Variants in COG5 observed in about 807,000 individuals in gnomAD.
COG5 encodes component of oligomeric golgi complex 5.
In COG5, 86 loss-of-function variants were observed where a neutral mutation model predicts 110.4. The observed-to-expected ratio is 0.78, with a 90% CI of 0.65 to 0.93. The LOEUF is 0.93. Ranked by LOEUF, COG5 falls within the 40% of genes least tolerant of loss-of-function variation. COG5 has a pLI of 0.00. For missense variants in COG5, 1,077 were observed against 987.0 expected, an observed-to-expected ratio of 1.09 and a Z score of -1.22; for synonymous variants, 360 against 334.6, an observed-to-expected ratio of 1.08 and a Z score of -0.83.
At chr7:107,309,447 G>T (rs936354181) in intron 11 of COG5, among the ~76,000 whole-genome samples, 1 of 152,136 alleles carries the variant, frequency 6.6e-6, no homozygotes, top group Non-Finnish European at 1.5e-5. Context: ...TGTGTTCTCT[G>T]ATAGGACTAT....
intron 10 of COG5, among the ~76,000 whole-genome samples, chr7:107,346,777 T>C (rs552225347): frequency 6.6e-6 from 1 of 152,222 alleles, no homozygotes; most frequent in African/African-American, 2.4e-5. Flanking sequence ...TATGTATACA[T>C]GTGCCATGTT....
chr7:107,310,746 T>A (rs555538145), intron 11 of COG5, among the ~76,000 whole-genome samples: 1 of 152,148 alleles, frequency 6.6e-6, no homozygotes, highest in East Asian at 1.9e-4. Context: ...CACTAAGACA[T>A]CCCAAAAGAA....
At chr7:107,293,770 T>TA (rs1168149626) in intron 12 of COG5, among the ~76,000 whole-genome samples, 1 of 151,980 alleles carries the variant, frequency 6.6e-6, no homozygotes, top group Non-Finnish European at 1.5e-5. Context: ...TTCCACGATT[T>TA]AAAAAAATGT....
chr7:107,271,290 T>C (rs901256450), intron 14 of COG5, among the ~76,000 whole-genome samples: 4 of 152,164 alleles, frequency 2.6e-5, no homozygotes, highest in African/African-American at 9.7e-5. Flanking sequence ...TGCATTTCCA[T>C]AAAAATTTAA....
At chr7:107,527,125 A>G (rs1460294692) in intron 6 of COG5, 112 bp downstream of exon 6, 6 of 920,790 alleles carry the variant, frequency 6.5e-6, no homozygotes, top group Non-Finnish European at 9.6e-6. Flanking sequence ...AATTATTTAA[A>G]AATTTGTTTA....
At chr7:107,480,118 T>C (rs1191578868) in intron 6 of COG5, among the ~76,000 whole-genome samples, 1 of 152,162 alleles carries the variant, frequency 6.6e-6, no homozygotes, top group Admixed American at 6.6e-5. Flanking sequence ...AAGCTTTTTC[T>C]GTCCATTTAA....
intron 16 of COG5, among the ~76,000 whole-genome samples, chr7:107,256,411 T>C (rs1802882144): frequency 6.6e-6 from 1 of 152,116 alleles, no homozygotes; most frequent in Non-Finnish European, 1.5e-5. Context: ...GGGGACAAAA[T>C]GATTCTGCTG....
intron 10 of COG5, among the ~76,000 whole-genome samples, chr7:107,331,311 C>T (rs1164679999): frequency 6.6e-6 from 1 of 151,640 alleles, no homozygotes; most frequent in Non-Finnish European, 1.5e-5. Flanking sequence ...ACTAAAAATA[C>T]AAAAAAATTA....
At chr7:107,460,168 T>C (rs914187765) in intron 6 of COG5, among the ~76,000 whole-genome samples, 18 of 152,076 alleles carry the variant, frequency 1.2e-4, no homozygotes, top group Non-Finnish European at 2.4e-4. Flanking sequence ...TTTTGGAGGC[T>C]GAGGTTGGAG....
intron 16 of COG5, among the ~76,000 whole-genome samples, chr7:107,255,699 C>G (rs1802832065): frequency 1.3e-5 from 2 of 151,968 alleles, no homozygotes; most frequent in Admixed American, 1.3e-4. Context: ...GCTTATTGTA[C>G]CATTTTATAG....
At chr7:107,457,761 G>A (rs2129098456) in intron 6 of COG5, among the ~76,000 whole-genome samples, 1 of 152,028 alleles carries the variant, frequency 6.6e-6, no homozygotes, top group African/African-American at 2.4e-5. Flanking sequence ...CTAAGAAAGA[G>A]AATAATGTTC....
chr7:107,290,946 G>A (rs947985220), intron 12 of COG5, among the ~76,000 whole-genome samples: 6 of 152,116 alleles, frequency 3.9e-5, no homozygotes, highest in African/African-American at 1.2e-4. Context: ...GTCAGCCACC[G>A]CACCCAGCCG....
Position 107,474,188 on chromosome 7 carries a change from C to G in COG5, c.538+53049G>C. On this transcript the variant is annotated intron_variant, in intron 6 of 21. Coordinates refer to ENST00000297135, the MANE Select transcript of COG5 (RefSeq NM_006348.5). This position sits in a 1 kb window ranked among gnomAD's most constrained non-coding sequence, Gnocchi z 5.7. ...TCATATCCGTTAAGCTTTCAAGTGT[C>G]TCTCACCGGATTTCTTATGTTAGAA... 6.2e-7 allele frequency: 1 copy of G among 1,612,688 alleles called. No individual in the cohort carries two copies. Among genetic ancestry groups the G allele is most frequent in the Non-Finnish European group, 8.5e-7 (1 of 1,178,910 alleles).
At chr7:107,251,150 AAAG>A (rs1478098244) in intron 16 of COG5, among the ~76,000 whole-genome samples, 8 of 151,940 alleles carry the variant, frequency 5.3e-5, no homozygotes, top group Admixed American at 3.9e-4. Flanking sequence ...AAAAAAAAAA[AAAG>A]ATTACATACA....
chr7:107,413,937 G>A (rs1210874479), intron 6 of COG5, among the ~76,000 whole-genome samples: 1 of 152,172 alleles, frequency 6.6e-6, no homozygotes, highest in Non-Finnish European at 1.5e-5. Flanking sequence ...AATTCACTTG[G>A]CTAGTAACCG....
At chr7:107,346,440 C>T (rs1562979924) in intron 10 of COG5, among the ~76,000 whole-genome samples, 1 of 152,224 alleles carries the variant, frequency 6.6e-6, no homozygotes, top group Non-Finnish European at 1.5e-5. Flanking sequence ...CTTTGTGTCC[C>T]ACTGCCTAGG....
At chr7:107,254,746 T>C (rs1802758267) in intron 16 of COG5, among the ~76,000 whole-genome samples, 1 of 152,284 alleles carries the variant, frequency 6.6e-6, no homozygotes, top group African/African-American at 2.4e-5. Context: ...AACTACCCTA[T>C]ACTGAAATAC....
chr7:107,403,558 G>T (rs949458478), intron 7 of COG5, among the ~76,000 whole-genome samples: 3 of 151,406 alleles, frequency 2.0e-5, no homozygotes, highest in African/African-American at 7.3e-5. Flanking sequence ...ACCCCAACAG[G>T]CCCCGGTGTG....
In COG5 at chr7:107,553,409, T is replaced by C. The variant is rs529421759; in HGVS notation, c.292+876A>G. Among the ~76,000 whole-genome samples the C allele has an allele frequency of 3.6e-3, 552 of 152,314 alleles. 3 individuals are homozygous for C. The highest frequency in any genetic ancestry group is 6.8e-3 in the Middle Eastern group (2 of 294). On this transcript the variant is annotated intron_variant, in intron 3 of 21. Transcript: ENST00000297135. The stretch of plus-strand genomic sequence containing the variant: ...TCTTCATCAGGGTATCTTAGAAATA[T>C]TGTACATGCTGAGAATAAGTTAGTA...
Sources: gnomAD v4.1 joint callset for allele counts (sites outside exome capture counted in the v4.1 genomes callset) on GRCh38, gnomAD v4.1.1 for gene constraint, Gnocchi (gnomAD v3.1) non-coding constraint, MANE v1.5 for transcripts, NCBI Gene and HGNC (gene_info 2026-07-23, HGNC 2026-07-21) for gene names.